Variants in FGD4 observed in about 807,000 individuals in gnomAD.
FGD4 encodes FYVE, RhoGEF and PH domain-containing protein 4.
FGD4 carries 42 observed loss-of-function variants against 102.0 expected under a neutral mutation model. That is an observed-to-expected ratio of 0.41 (90% CI 0.32 to 0.53). The LOEUF is 0.53. Among genes scored for constraint, FGD4 ranks in the 20% least tolerant of loss-of-function variants. FGD4 has a pLI of 0.21. For synonymous variants in FGD4, 380 were observed against 375.7 expected (o/e 1.01, Z -0.13); for missense variants, 902 against 1,078.2 (o/e 0.84, Z 2.29).
chr12:32,640,573 T>G lies in FGD4; in HGVS notation c.*40T>G. 6.2e-7 allele frequency: 1 copy of G among 1,612,606 alleles called. No individual in the cohort carries two copies. Among genetic ancestry groups the G allele is most frequent in the Non-Finnish European group, 8.5e-7 (1 of 1,180,004 alleles). ...AGCCATGGTGTGGAGGTCTCAGGAC[T>G]TACAGCTCAAGACATTCCCAGCTCT... On this transcript the variant is annotated 3_prime_UTR_variant, in exon 17 of 17. Transcript: ENST00000534526.
chr12:32,422,491 G>A (rs1250351383), intron 1 of FGD4, among the ~76,000 whole-genome samples: 2 of 149,846 alleles, frequency 1.3e-5, no homozygotes, highest in Non-Finnish European at 1.5e-5. Context: ...GTAGAGATGG[G>A]GTTTCACCAT....
chr12:32,427,916 TAA>T (rs1287377459), intron 1 of FGD4, among the ~76,000 whole-genome samples: 1 of 152,234 alleles, frequency 6.6e-6, no homozygotes, highest in Non-Finnish European at 1.5e-5. Context: ...ATTTCCTTGA[TAA>T]ATATTCCTGC....
At chr12:32,408,639 C>T (rs1941059438) in intron 1 of FGD4, among the ~76,000 whole-genome samples, 2 of 151,800 alleles carry the variant, frequency 1.3e-5, no homozygotes, top group Non-Finnish European at 2.9e-5. Context: ...ATCTGCCTTG[C>T]TGCCCTCACT....
intron 1 of FGD4, among the ~76,000 whole-genome samples, chr12:32,539,312 G>A (rs993485804): frequency 2.0e-5 from 3 of 152,184 alleles, no homozygotes; most frequent in Admixed American, 6.5e-5. Context: ...GCTCACATCC[G>A]TAATCCCAGC....
At chr12:32,483,132 G>A (rs1223271819) in intron 1 of FGD4, among the ~76,000 whole-genome samples, 1 of 152,202 alleles carries the variant, frequency 6.6e-6, no homozygotes, top group Non-Finnish European at 1.5e-5. Flanking sequence ...TTGTGTGTGT[G>A]TGTGGGTAGA....
At chr12:32,580,927 A>C (rs569424709) in intron 3 of FGD4, among the ~76,000 whole-genome samples, 2 of 152,174 alleles carry the variant, frequency 1.3e-5, no homozygotes, top group Admixed American at 1.3e-4. Context: ...TTTCCACAGG[A>C]ATATTGTTAT....
intron 10 of FGD4, among the ~76,000 whole-genome samples, chr12:32,615,267 G>T (rs1024304281): frequency 1.1e-4 from 16 of 152,126 alleles, no homozygotes; most frequent in South Asian, 2.1e-4. Context: ...TCCAGAAAAA[G>T]CAAATGCATA....
chr12:32,620,802 A>C (rs1350432138), intron 11 of FGD4, among the ~76,000 whole-genome samples: 10 of 144,552 alleles, frequency 6.9e-5, no homozygotes, highest in African/African-American at 2.6e-4. Flanking sequence ...GGTTCACGCC[A>C]TTCTCCTACC....
chr12:32,547,281 GA>G (rs1194741205), intron 1 of FGD4, among the ~76,000 whole-genome samples: 8 of 148,438 alleles, frequency 5.4e-5, no homozygotes, highest in African/African-American at 9.9e-5. Flanking sequence ...CTACAAAAAT[GA>G]AAAAAAAAAT....
intron 6 of FGD4, among the ~76,000 whole-genome samples, chr12:32,601,858 G>T (rs1948449450): frequency 6.6e-6 from 1 of 152,152 alleles, no homozygotes; most frequent in Non-Finnish European, 1.5e-5. Flanking sequence ...TATAATCCCA[G>T]CACTTTAGGA....
rs148247572 is a variant in FGD4 at position 32,638,056 on chromosome 12, T to C, written c.2314-599T>C. 5.1e-3 allele frequency among the ~76,000 whole-genome samples: 779 copies of C among 152,274 alleles called. 3 individuals carry two copies. The highest frequency in any genetic ancestry group is 9.1e-3 in the Non-Finnish European group (617 of 68,002). Reference sequence around the variant, plus strand: ...TTTCTTAATTGAAGTAGGTATCGCATTGTCGTTAAAAGTTCAGGCTCTGTT... The same window carrying C: ...TTTCTTAATTGAAGTAGGTATCGCACTGTCGTTAAAAGTTCAGGCTCTGTT... On this transcript the variant is annotated intron_variant, in intron 15 of 16. Coordinates refer to ENST00000534526, the MANE Select transcript of FGD4 (RefSeq NM_001370298.3).
intron 4 of FGD4, among the ~76,000 whole-genome samples, chr12:32,597,290 CAG>C (rs911359822): frequency 1.3e-5 from 2 of 152,134 alleles, no homozygotes; most frequent in Non-Finnish European, 2.9e-5. Context: ...ATGAGCGAAA[CAG>C]GGTGGCAGTG....
At chr12:32,564,964 G>T (rs928679901) in intron 2 of FGD4, among the ~76,000 whole-genome samples, 1 of 152,194 alleles carries the variant, frequency 6.6e-6, no homozygotes, top group Non-Finnish European at 1.5e-5. Context: ...GAACACAAAA[G>T]CTAAGCTACC....
chr12:32,610,693 C>T, intron 8 of FGD4, 83 bp from the exon 9 acceptor site: 1 of 1,289,040 alleles, frequency 7.8e-7, no homozygotes, highest in Non-Finnish European at 1.1e-6. Context: ...TCTCAGACTT[C>T]TTAATTTAGT....
rs771088769 is a variant in FGD4, at chr12:32,598,543, T to A, written c.1058T>A (p.Leu353His). The part of the protein sequence containing the change: ...KLHKIANELL[L>H]TERAYVNRLD... Reference sequence around the variant, plus strand: ...CACAAAATAGCCAATGAACTTTTGCTTACTGAAAGAGCTTATGTCAACCGA... The same window carrying A: ...CACAAAATAGCCAATGAACTTTTGCATACTGAAAGAGCTTATGTCAACCGA... Residue 353 changes from leucine to histidine, a missense_variant, in exon 5 of 17, where the codon CTT becomes CAT. Transcript: ENST00000534526. The A allele has an allele frequency of 1.2e-6, 2 of 1,613,600 alleles. No homozygotes were observed. The highest frequency in any genetic ancestry group is 1.7e-6 in the Non-Finnish European group (2 of 1,179,882).
rs1034840920 is a variant in FGD4 at position 32,645,736 on chromosome 12, G to A, written c.*5203G>A. 1 of 152,216 alleles carries A rather than the reference G, an allele frequency of 6.6e-6. No homozygotes were observed. The highest frequency in any genetic ancestry group is 1.5e-5 in the Non-Finnish European group (1 of 68,046). 9.4% of individuals were successfully genotyped at this position (152,216 alleles called of 1,614,324 possible). A position where few individuals can be genotyped will look rare whatever the true frequency, so the allele number is the denominator to read the frequency against. On this transcript the variant is annotated 3_prime_UTR_variant, in exon 17 of 17. Coordinates refer to ENST00000534526, the MANE Select transcript of FGD4 (RefSeq NM_001370298.3). ...AGATTGCACCACTGCACTCCGGCCT[G>A]GGTGACAGAGCAAGACTTCGACTCA...
intron 1 of FGD4, among the ~76,000 whole-genome samples, chr12:32,431,312 A>G (rs549986598): frequency 1.3e-5 from 2 of 152,320 alleles, no homozygotes; most frequent in African/African-American, 4.8e-5. Context: ...TCACTGATAC[A>G]TGCAAAAGCC....
At chr12:32,450,116 A>G (rs1942732723) in intron 1 of FGD4, among the ~76,000 whole-genome samples, 1 of 151,912 alleles carries the variant, frequency 6.6e-6, no homozygotes, top group Non-Finnish European at 1.5e-5. Context: ...TATTTTTAGT[A>G]GTGACGGGGT....
At chr12:32,623,677 G>T (rs751397078) in intron 11 of FGD4, among the ~76,000 whole-genome samples, 37 of 152,142 alleles carry the variant, frequency 2.4e-4, no homozygotes, top group Non-Finnish European at 4.3e-4. Flanking sequence ...CCAGTTCAGA[G>T]TCCACTAAAG....
Sources: allele counts gnomAD v4.1 joint callset (sites outside exome capture counted in the v4.1 genomes callset), GRCh38; gene constraint gnomAD v4.1.1; transcripts MANE v1.5; gene names NCBI Gene and HGNC (gene_info 2026-07-23, HGNC 2026-07-21).